OPRM1: variants seen among roughly 807,000 people sequenced by gnomAD.
The protein encoded by OPRM1 is mu-type opioid receptor.
OPRM1 carries 27 observed loss-of-function variants against 31.8 expected under a neutral mutation model. The ratio of observed to expected loss-of-function variants is 0.85; its 90% CI spans 0.63 to 1.17. The LOEUF (loss-of-function observed/expected upper bound fraction) is 1.17, where lower values mean the gene tolerates loss of function less well. OPRM1 is among the 50% of genes most tolerant of loss of function. The probability of loss-of-function intolerance (pLI) is 0.00; values close to 1 mark genes in which losing one functional copy is unlikely to be tolerated. For missense variants in OPRM1, 536 were observed against 511.1 expected (o/e 1.05, Z -0.47); for synonymous variants, 196 against 189.9 (o/e 1.03, Z -0.26).
intron 3 of OPRM1, among the ~76,000 whole-genome samples, chr6:154,144,517 C>G (rs528620538): frequency 6.6e-6 from 1 of 152,176 alleles, no homozygotes; most frequent in Non-Finnish European, 1.5e-5. Context: ...GAGTCTCAGG[C>G]AGGTGGATCA....
chr6:154,114,029 C>T (rs1191987967), intron 3 of OPRM1, among the ~76,000 whole-genome samples: 1 of 151,976 alleles, frequency 6.6e-6, no homozygotes, highest in Non-Finnish European at 1.5e-5. Flanking sequence ...AAAGGGCCCC[C>T]TAGGTGGTCT....
intron 2 of OPRM1, 110 bp from the exon 3 acceptor site, chr6:154,090,842 A>T: frequency 1.1e-6 from 1 of 899,534 alleles, no homozygotes. Flanking sequence ...TTATAGCCTT[A>T]AGTTAGCTCT....
intron 3 of OPRM1, among the ~76,000 whole-genome samples, chr6:154,216,444 T>C (rs1236061045): frequency 1.4e-5 from 2 of 143,578 alleles, no homozygotes; most frequent in Non-Finnish European, 3.1e-5. Flanking sequence ...AACCCTAATA[T>C]ACTCTTAATT....
At chr6:154,200,708 G>A (rs988507973) in intron 3 of OPRM1, among the ~76,000 whole-genome samples, 1 of 152,174 alleles carries the variant, frequency 6.6e-6, no homozygotes, top group African/African-American at 2.4e-5. Context: ...GTGACAGAGT[G>A]AGACTCTGCC....
intron 3 of OPRM1, among the ~76,000 whole-genome samples, chr6:154,189,514 T>C (rs1801676663): frequency 1.3e-5 from 2 of 152,094 alleles, no homozygotes; most frequent in Admixed American, 6.6e-5. Context: ...ACTTAATAAA[T>C]AGAGAGACTA....
exon 1 of OPRM1, chr6:154,010,622 T>G: frequency 6.6e-7 from 1 of 1,508,300 alleles, no homozygotes; most frequent in Non-Finnish European, 8.9e-7. Flanking sequence ...CAATATTGTA[T>G]GCCTGCACTA....
chr6:154,042,677 C>A (rs112868755), intron 1 of OPRM1, among the ~76,000 whole-genome samples: 236 of 152,150 alleles, frequency 1.6e-3, no homozygotes, highest in African/African-American at 5.4e-3. Flanking sequence ...TTAAACAGGG[C>A]TACTCTAAGG....
chr6:154,036,875 GA>G (rs1176863031), upstream of OPRM1, among the ~76,000 whole-genome samples: 2 of 151,736 alleles, frequency 1.3e-5, no homozygotes, highest in African/African-American at 4.8e-5. Context: ...GTTTAATATA[GA>G]AAGAAACACA....
intron 1 of OPRM1, among the ~76,000 whole-genome samples, chr6:154,059,584 T>TA (rs11373406): frequency 0.16 from 23,772 of 149,390 alleles, 1,931 homozygotes; most frequent in Non-Finnish European, 0.17. Flanking sequence ...TTTTTACACT[T>TA]AAAAAAAAAA....
At chr6:154,010,860 T>G (rs1171745612) in exon 1 of OPRM1, 4 of 1,340,750 alleles carry the variant, frequency 3.0e-6, no homozygotes, top group Non-Finnish European at 3.9e-6. Flanking sequence ...CTTGTTCTTG[T>G]GGTTGCTACA....
intron 3 of OPRM1, among the ~76,000 whole-genome samples, chr6:154,201,459 C>A (rs1357525401): frequency 6.6e-6 from 1 of 152,066 alleles, no homozygotes; most frequent in Non-Finnish European, 1.5e-5. Flanking sequence ...ACTTTATTGG[C>A]CAACAAAATC....
In OPRM1 at chr6:154,039,362, T is replaced by G. The variant is rs2128393339; in HGVS notation, c.-183T>G. On this transcript the variant is annotated 5_prime_UTR_variant, in exon 1 of 4. Coordinates refer to ENST00000330432, the MANE Select transcript of OPRM1 (RefSeq NM_000914.5). The stretch of plus-strand genomic sequence containing the variant: ...AGGGGGCTATACGCAGAGGAGAATG[T>G]CAGATGCTCAGCTCGGTCCCCTCCG... 6.5e-7 allele frequency: 1 copy of G among 1,544,884 alleles called. No homozygotes were observed. The highest frequency in any genetic ancestry group is 2.5e-5 in the East Asian group (1 of 40,772).
At chr6:154,230,189 T>C (rs1779611150) in intron 3 of OPRM1, among the ~76,000 whole-genome samples, 1 of 152,176 alleles carries the variant, frequency 6.6e-6, no homozygotes, top group Admixed American at 6.5e-5. Context: ...CAAATTTGAA[T>C]AGGGTGAACT....
At chr6:154,090,672 G>A (rs1024952248) in intron 2 of OPRM1, among the ~76,000 whole-genome samples, 1 of 152,164 alleles carries the variant, frequency 6.6e-6, no homozygotes, top group East Asian at 1.9e-4. Context: ...CCTCATGGAG[G>A]ATCTAGCTCA....
At chr6:154,108,714 A>T (rs1795981112) in intron 3 of OPRM1, 1 of 909,514 alleles carries the variant, frequency 1.1e-6, no homozygotes, top group Non-Finnish European at 1.3e-6. Context: ...CTAACACCCT[A>T]AATCTTAGAA....
In OPRM1 at chr6:154,235,268, C is replaced by T. The variant is rs147935902; in HGVS notation, c.1165-11425C>T. Among the ~76,000 whole-genome samples the T allele has an allele frequency of 8.5e-3, 1,289 of 152,254 alleles. 15 individuals are homozygous for T. The highest frequency in any genetic ancestry group is 0.025 in the African/African-American group (1,058 of 41,558). ...GTAATAGGCCGGGCATGGTGGCTCA[C>T]GCCTGTAATCCCAGCACTTTGGGAG... is the stretch of plus-strand genomic sequence containing the variant. On this transcript the variant is annotated intron_variant, in intron 3 of 3. Coordinates refer to the OPRM1 transcript ENST00000337049.
intron 3 of OPRM1, among the ~76,000 whole-genome samples, chr6:154,153,684 C>CA (rs35352448): frequency 0.053 from 4,710 of 89,226 alleles, 123 homozygotes; most frequent in African/African-American, 0.12. Flanking sequence ...AACTCTATCT[C>CA]AAAAAAAAAA....
At chr6:154,092,371 CTAAG>C (rs1792464325) in intron 3 of OPRM1, among the ~76,000 whole-genome samples, 1 of 152,126 alleles carries the variant, frequency 6.6e-6, no homozygotes, top group Non-Finnish European at 1.5e-5. Context: ...TAATATTAAT[CTAAG>C]TAAGTAAATT....
In OPRM1 at chr6:154,028,269, T is replaced by C. The variant is rs182114539; in HGVS notation, c.1-10892T>C. 2.2e-4 allele frequency among the ~76,000 whole-genome samples: 33 copies of C among 152,264 alleles called. No homozygotes were observed. The East Asian group carries it at 6.4e-3, about 29-fold the overall frequency. On this transcript the variant is annotated intron_variant, in intron 1 of 5. Transcript: ENST00000434900. The stretch of plus-strand genomic sequence containing the variant: ...TTCTGGCCCAGGGTGTGTCTAGAGA[T>C]GTCATCCAGGAGCTACAGCCTGAAA...
Sources: gnomAD v4.1 joint callset for allele counts (sites outside exome capture counted in the v4.1 genomes callset) on GRCh38, gnomAD v4.1.1 for gene constraint, MANE v1.5 for transcripts, NCBI Gene and HGNC (gene_info 2026-07-23, HGNC 2026-07-21) for gene names.